TMEM132D: variants seen among roughly 807,000 people sequenced by gnomAD.
TMEM132D encodes the protein transmembrane protein 132D.
Under a neutral mutation model 62.3 loss-of-function variants are expected in TMEM132D, and 21 were observed. The ratio of observed to expected loss-of-function variants is 0.34; its 90% CI spans 0.24 to 0.49. The LOEUF (loss-of-function observed/expected upper bound fraction) is 0.49. Among genes scored for constraint, TMEM132D ranks in the 20% least tolerant of loss-of-function variants. The pLI is 0.99. For synonymous variants in TMEM132D, 621 were observed against 575.6 expected (o/e 1.08, Z -1.13); for missense variants, 1,346 against 1,402.8 (o/e 0.96, Z 0.65).
intron 3 of TMEM132D, among the ~76,000 whole-genome samples, chr12:129,401,211 C>T (rs1175906674): frequency 1.3e-5 from 2 of 152,200 alleles, no homozygotes; most frequent in Non-Finnish European, 2.9e-5. Context: ...ACCCTCAGAG[C>T]AGGTGTTTAC....
intron 4 of TMEM132D, among the ~76,000 whole-genome samples, chr12:129,299,580 G>A (rs1269365608): frequency 6.6e-6 from 1 of 151,150 alleles, no homozygotes; most frequent in Non-Finnish European, 1.5e-5. Flanking sequence ...CAATTCATGG[G>A]AGAGCCCCAC....
intron 5 of TMEM132D, among the ~76,000 whole-genome samples, chr12:129,145,287 C>T (rs539625560): frequency 2.3e-4 from 35 of 152,188 alleles, no homozygotes; most frequent in African/African-American, 8.4e-4. Context: ...AAGCTTGTTT[C>T]ACAACTTACT....
intron 2 of TMEM132D, among the ~76,000 whole-genome samples, chr12:129,657,996 A>C (rs925852505): frequency 5.9e-5 from 9 of 152,214 alleles, no homozygotes; most frequent in African/African-American, 1.7e-4. Context: ...AGTGGAACTT[A>C]TCTTCCAGCA....
intron 1 of TMEM132D, among the ~76,000 whole-genome samples, chr12:129,895,919 C>T (rs1378546972): frequency 2.7e-5 from 4 of 149,960 alleles, no homozygotes; most frequent in African/African-American, 4.9e-5. Flanking sequence ...TGCTGGATAC[C>T]AGCTTTTGAA....
At chr12:129,660,755 G>T (rs4759990) in intron 2 of TMEM132D, among the ~76,000 whole-genome samples, 36,007 of 151,922 alleles carry the variant, frequency 0.24, 4,581 homozygotes, top group Admixed American at 0.29. Flanking sequence ...GTGGGGCTAG[G>T]TGTGTGCCTG....
At chr12:129,648,133 C>T (rs187293531) in intron 2 of TMEM132D, among the ~76,000 whole-genome samples, 1 of 152,252 alleles carries the variant, frequency 6.6e-6, no homozygotes, top group Non-Finnish European at 1.5e-5. Context: ...CCTAACCTTC[C>T]CAATCGCTCC....
intron 1 of TMEM132D, among the ~76,000 whole-genome samples, chr12:129,815,894 G>A (rs1320213397): frequency 6.6e-6 from 1 of 152,236 alleles, no homozygotes; most frequent in Non-Finnish European, 1.5e-5. Flanking sequence ...TTCAATGTAA[G>A]TGAAGGAAGG....
intron 1 of TMEM132D, among the ~76,000 whole-genome samples, chr12:129,897,081 G>C (rs1482440617): frequency 6.6e-6 from 1 of 152,034 alleles, no homozygotes; most frequent in African/African-American, 2.4e-5. Context: ...CTCTGACTGT[G>C]GTATGTACCC....
intron 1 of TMEM132D, among the ~76,000 whole-genome samples, chr12:129,844,741 G>A (rs973420308): frequency 2.6e-5 from 4 of 152,116 alleles, no homozygotes; most frequent in African/African-American, 9.7e-5. Flanking sequence ...CCCTTATATG[G>A]TCCCAGAACT....
At chr12:129,771,679 T>A (rs1444257877) in intron 1 of TMEM132D, among the ~76,000 whole-genome samples, 1 of 152,226 alleles carries the variant, frequency 6.6e-6, no homozygotes. Flanking sequence ...AGCGATCCAA[T>A]GCACTTGGCA....
At chr12:129,191,194 C>A (rs968311323) in intron 5 of TMEM132D, among the ~76,000 whole-genome samples, 10 of 152,010 alleles carry the variant, frequency 6.6e-5, no homozygotes, top group African/African-American at 2.2e-4. Flanking sequence ...CTCAAAGCCA[C>A]CTTTTCAGTG....
intron 2 of TMEM132D, among the ~76,000 whole-genome samples, chr12:129,609,133 C>T (rs774123026): frequency 9.9e-5 from 15 of 151,842 alleles, no homozygotes; most frequent in East Asian, 1.9e-4. Flanking sequence ...TTAGTAGGGA[C>T]GGGATTTCAC....
chr12:129,849,840 T>C (rs1873484742), intron 1 of TMEM132D, among the ~76,000 whole-genome samples: 1 of 152,186 alleles, frequency 6.6e-6, no homozygotes, highest in Non-Finnish European at 1.5e-5. Flanking sequence ...GATTAAACAA[T>C]AATAAATACC....
intron 1 of TMEM132D, among the ~76,000 whole-genome samples, chr12:129,841,919 CTCGTGGTTT>C (rs1211263582): frequency 2.0e-5 from 3 of 149,610 alleles, no homozygotes; most frequent in Non-Finnish European, 4.4e-5. Flanking sequence ...GCTCTAAGCA[CTCGTGGTTT>C]TCGTGTTTTT....
chr12:129,684,375 G>A (rs1313871730), intron 2 of TMEM132D, among the ~76,000 whole-genome samples: 1 of 152,042 alleles, frequency 6.6e-6, no homozygotes, highest in Non-Finnish European at 1.5e-5. Context: ...CTGCCATCAT[G>A]TGAAAGAAGA....
chr12:129,478,381 G>C (rs1377538127), intron 3 of TMEM132D, among the ~76,000 whole-genome samples: 1 of 152,206 alleles, frequency 6.6e-6, no homozygotes, highest in Non-Finnish European at 1.5e-5. Context: ...TGGGTGATAG[G>C]AATGTTTTGG....
At chr12:129,370,208 C>T (rs527333538) in intron 3 of TMEM132D, among the ~76,000 whole-genome samples, 1 of 152,314 alleles carries the variant, frequency 6.6e-6, no homozygotes, top group South Asian at 2.1e-4. Context: ...CAAGCCTTCA[C>T]ACAGGAATTG....
intron 2 of TMEM132D, among the ~76,000 whole-genome samples, chr12:129,679,135 T>C (rs1880714585): frequency 1.3e-5 from 2 of 151,906 alleles, no homozygotes; most frequent in Admixed American, 1.3e-4. Flanking sequence ...AAACCTAGTT[T>C]TTTTTTTTGT....
chr12:129,726,359 G>T (rs1444140434), intron 1 of TMEM132D, among the ~76,000 whole-genome samples: 2 of 152,150 alleles, frequency 1.3e-5, no homozygotes, highest in African/African-American at 4.8e-5. Context: ...CCCAGATAAA[G>T]CTAGGAGGTG....
Sources: gnomAD v4.1 joint callset for allele counts (sites outside exome capture counted in the v4.1 genomes callset) on GRCh38, gnomAD v4.1.1 for gene constraint, MANE v1.5 for transcripts, NCBI Gene and HGNC (gene_info 2026-07-23, HGNC 2026-07-21) for gene names.